CCDC149: variants seen among roughly 807,000 people sequenced by gnomAD.
The protein encoded by CCDC149 is coiled-coil domain containing 149, also known as coiled-coil domain-containing protein 149.
CCDC149 carries 45 observed loss-of-function variants against 59.9 expected under a neutral mutation model. The ratio of observed to expected loss-of-function variants is 0.75; its 90% confidence interval spans 0.59 to 0.96. The LOEUF (loss-of-function observed/expected upper bound fraction) is 0.96. CCDC149 is among the 40% of genes least tolerant of loss of function. The pLI is 0.00. For missense variants in CCDC149, 584 were observed against 664.7 expected, an observed-to-expected ratio of 0.88 and a Z score of 1.33; for synonymous variants, 245 against 260.6, an observed-to-expected ratio of 0.94 and a Z score of 0.58.
chr4:24,833,460 C>T (rs1393984970), intron 8 of CCDC149, among the ~76,000 whole-genome samples: 1 of 152,106 alleles, frequency 6.6e-6, no homozygotes, highest in Non-Finnish European at 1.5e-5. Flanking sequence ...CCCGTCTCTA[C>T]TAACAACACA....
At chr4:24,823,647 C>T (rs956474457) in intron 9 of CCDC149, among the ~76,000 whole-genome samples, 7 of 152,140 alleles carry the variant, frequency 4.6e-5, no homozygotes, top group African/African-American at 1.4e-4. Flanking sequence ...CACCCACATA[C>T]ACACAGAGGC....
At chr4:24,908,299 C>T (rs1721657146) in intron 1 of CCDC149, among the ~76,000 whole-genome samples, 1 of 152,146 alleles carries the variant, frequency 6.6e-6, no homozygotes, top group Non-Finnish European at 1.5e-5. Context: ...CCCCCCAGGT[C>T]TCTTATTATC....
At chr4:24,853,517 G>A (rs1481946141) in intron 3 of CCDC149, among the ~76,000 whole-genome samples, 2 of 151,412 alleles carry the variant, frequency 1.3e-5, no homozygotes, top group Non-Finnish European at 2.9e-5. Flanking sequence ...GAGCCCGGGA[G>A]GCGGAGGTTG....
chr4:24,958,321 G>A (rs565111638), intron 1 of CCDC149, among the ~76,000 whole-genome samples: 10 of 152,306 alleles, frequency 6.6e-5, no homozygotes, highest in African/African-American at 2.2e-4. Context: ...GATCAGGATT[G>A]TTTCTTCTAG....
intron 1 of CCDC149, among the ~76,000 whole-genome samples, chr4:24,890,825 T>C (rs574739265): frequency 1.2e-4 from 18 of 152,346 alleles, no homozygotes; most frequent in African/African-American, 4.3e-4. Flanking sequence ...AGACTTGAGA[T>C]CTTGAAATCA....
At chr4:24,868,444 C>T (rs1212173105) in intron 3 of CCDC149, among the ~76,000 whole-genome samples, 1 of 152,152 alleles carries the variant, frequency 6.6e-6, no homozygotes, top group African/African-American at 2.4e-5. Flanking sequence ...CACTTGTTTA[C>T]CCATTAATAA....
intron 3 of CCDC149, among the ~76,000 whole-genome samples, chr4:24,866,224 A>G (rs1577426778): frequency 6.6e-6 from 1 of 152,170 alleles, no homozygotes; most frequent in South Asian, 2.1e-4. Flanking sequence ...CACTGTCTAA[A>G]TAAGCCATCA....
chr4:24,953,535 C>T (rs1051709474), intron 1 of CCDC149, among the ~76,000 whole-genome samples: 2 of 152,164 alleles, frequency 1.3e-5, no homozygotes, highest in African/African-American at 4.8e-5. Flanking sequence ...AAGTTTATAC[C>T]TCAACCTGAT....
intron 1 of CCDC149, among the ~76,000 whole-genome samples, chr4:24,967,581 T>G (rs1188402955): frequency 2.0e-5 from 3 of 151,566 alleles, no homozygotes; most frequent in Admixed American, 6.6e-5. Flanking sequence ...TTCACCTTCA[T>G]GTGGGATGGG....
intron 1 of CCDC149, among the ~76,000 whole-genome samples, chr4:24,944,825 G>A (rs866862182): frequency 6.6e-6 from 1 of 152,292 alleles, no homozygotes; most frequent in Admixed American, 6.5e-5. Flanking sequence ...TGGTTTGAAA[G>A]GATGGTGATG....
intron 1 of CCDC149, among the ~76,000 whole-genome samples, chr4:24,920,516 T>A (rs1448338707): frequency 6.6e-6 from 1 of 152,220 alleles, no homozygotes; most frequent in African/African-American, 2.4e-5. Context: ...AGTCTAGCCC[T>A]GGAACTGGCA....
rs747465277 is a variant in CCDC149, at chr4:24,838,213, G to A, written c.432C>T (p.His144=). The change falls in exon 5 of 13, where the codon CAC becomes CAT. Residue 144 remains histidine (H), a synonymous_variant. Coordinates refer to ENST00000635206, the MANE Select transcript of CCDC149 (RefSeq NM_001330643.2). Reference sequence around the variant, plus strand: ...AGTCTTCACGCTCATGGGCTGCAAAGTGTCGCACGCCGATTGCTTCGTCTC... The same window carrying A: ...AGTCTTCACGCTCATGGGCTGCAAAATGTCGCACGCCGATTGCTTCGTCTC... The A allele has an allele frequency of 9.9e-6, 16 of 1,614,076 alleles. No homozygotes were observed. The highest frequency in any genetic ancestry group is 1.1e-5 in the Non-Finnish European group (13 of 1,180,032).
intron 4 of CCDC149, among the ~76,000 whole-genome samples, chr4:24,838,775 GT>G (rs1330395491): frequency 1.2e-4 from 18 of 146,348 alleles, no homozygotes; most frequent in African/African-American, 4.3e-4. Flanking sequence ...TATTTAAAGA[GT>G]TTAAAAAAAA....
chr4:24,844,349 C>T (rs1717132249), intron 4 of CCDC149, among the ~76,000 whole-genome samples: 1 of 152,312 alleles, frequency 6.6e-6, no homozygotes, highest in African/African-American at 2.4e-5. Flanking sequence ...CTCTCAGAGG[C>T]AGACATTGTC....
chr4:24,958,408 A>G (rs1329800683), intron 1 of CCDC149, among the ~76,000 whole-genome samples: 1 of 152,200 alleles, frequency 6.6e-6, no homozygotes, highest in Non-Finnish European at 1.5e-5. Context: ...AAAGTGTCTG[A>G]TTGCTAACAT....
intron 1 of CCDC149, among the ~76,000 whole-genome samples, chr4:24,888,834 T>A (rs145983534): frequency 1.3e-5 from 2 of 152,330 alleles, no homozygotes; most frequent in African/African-American, 4.8e-5. Flanking sequence ...TAAATCTGTA[T>A]TCACCTCTGT....
At chr4:24,895,103 G>A (rs1341369251) in intron 1 of CCDC149, 1 of 1,081,188 alleles carries the variant, frequency 9.2e-7, no homozygotes, top group African/African-American at 1.6e-5. Context: ...CACTACTTAT[G>A]AATAAGTAGT....
At chr4:24,855,849 G>A (rs1224867532) in intron 3 of CCDC149, among the ~76,000 whole-genome samples, 1 of 152,174 alleles carries the variant, frequency 6.6e-6, no homozygotes, top group Non-Finnish European at 1.5e-5. Flanking sequence ...GAGACACTGT[G>A]AACAAATGAC....
intron 4 of CCDC149, among the ~76,000 whole-genome samples, chr4:24,845,217 C>T (rs1717207777): frequency 1.3e-5 from 2 of 152,222 alleles, no homozygotes; most frequent in Admixed American, 1.3e-4. Context: ...AAGCCCCTGA[C>T]ACCCTAAGCT....
Sources: gnomAD v4.1 joint callset for allele counts (sites outside exome capture counted in the v4.1 genomes callset) on GRCh38, gnomAD v4.1.1 for gene constraint, MANE v1.5 for transcripts, NCBI Gene and HGNC (gene_info 2026-07-23, HGNC 2026-07-21) for gene names.